The following DAB1 variants were observed in gnomAD, a reference collection of about 807,000 sequenced individuals.
DAB1 encodes the protein DAB adaptor protein 1, also known as disabled homolog 1.
DAB1 carries 15 observed loss-of-function variants against 64.6 expected under a neutral mutation model. The observed-to-expected ratio is 0.23, with a 90% CI of 0.16 to 0.36. The LOEUF (loss-of-function observed/expected upper bound fraction) is 0.36, where lower values mean the gene tolerates loss of function less well. Ranked by LOEUF, DAB1 falls within the 10% of genes least tolerant of loss-of-function variation. The pLI, the probability that DAB1 is intolerant of heterozygous loss-of-function variation, is 1.00. For synonymous variants in DAB1, 235 were observed against 251.9 expected (o/e 0.93, Z 0.64); for missense variants, 596 against 706.7 (o/e 0.84, Z 1.78).
At chr1:58,283,076 T>C (rs1395720916) in intron 4 of DAB1, among the ~76,000 whole-genome samples, 1 of 151,822 alleles carries the variant, frequency 6.6e-6, no homozygotes, top group Non-Finnish European at 1.5e-5. Context: ...AAAAGAACTT[T>C]CCTTCAAACA....
At chr1:58,101,676 G>T (rs821530) in intron 5 of DAB1, among the ~76,000 whole-genome samples, 5 of 152,180 alleles carry the variant, frequency 3.3e-5, no homozygotes, top group African/African-American at 1.2e-4. Flanking sequence ...ATATGACTTA[G>T]GGCCAGTCAC....
At chr1:58,296,059 A>C (rs1355399424) in intron 4 of DAB1, among the ~76,000 whole-genome samples, 1 of 145,746 alleles carries the variant, frequency 6.9e-6, no homozygotes, top group African/African-American at 2.6e-5. Flanking sequence ...TGCCACTGCA[A>C]CTCCAGCCTG....
Position 58,262,021 on chromosome 1 carries a change from G to A in DAB1, n.309+81331C>T, listed in dbSNP as rs190308850. Among the ~76,000 whole-genome samples, 85 of 152,316 alleles carry A rather than the reference G, an allele frequency of 5.6e-4. 1 individual carries two copies. Among genetic ancestry groups the A allele is most frequent in the Non-Finnish European group, 1.1e-3 (76 of 68,028 alleles). On this transcript the variant is annotated intron_variant and non_coding_transcript_variant, in intron 4 of 20. Transcript: ENST00000485760. ...GAAAGACGATTGAGTCTATATTCCCGTAGTGCAGAGGTTAGGTCTGGGCTC... is the reference window on the plus strand; with the variant it reads ...GAAAGACGATTGAGTCTATATTCCCATAGTGCAGAGGTTAGGTCTGGGCTC...
chr1:57,296,086 T>C (rs184310486), intron 1 of DAB1, among the ~76,000 whole-genome samples: 1 of 152,266 alleles, frequency 6.6e-6, no homozygotes, highest in Admixed American at 6.5e-5. Context: ...TGTAGTGTTA[T>C]GAGCAAAGCA....
At chr1:57,384,412 C>T (rs1005132529) in intron 1 of DAB1, among the ~76,000 whole-genome samples, 3 of 152,152 alleles carry the variant, frequency 2.0e-5, no homozygotes, top group Admixed American at 1.3e-4. Flanking sequence ...TCTGAATATA[C>T]ATCCAAAAGA....
At chr1:57,165,436 A>C (rs1661136188) in intron 2 of DAB1, among the ~76,000 whole-genome samples, 1 of 152,192 alleles carries the variant, frequency 6.6e-6, no homozygotes, top group South Asian at 2.1e-4. Flanking sequence ...TAATAGGATA[A>C]AACAATCAAT....
chr1:58,366,294 A>G (rs1041873837), intron 3 of DAB1, among the ~76,000 whole-genome samples: 5 of 152,286 alleles, frequency 3.3e-5, no homozygotes, highest in African/African-American at 1.2e-4. Flanking sequence ...GATCCCATCC[A>G]TCATCATGCC....
intron 4 of DAB1, among the ~76,000 whole-genome samples, chr1:58,171,890 C>A (rs1490949759): frequency 2.6e-5 from 4 of 152,198 alleles, no homozygotes; most frequent in African/African-American, 9.6e-5. Context: ...CCAGCTTTGC[C>A]TACAGCAGGT....
chr1:57,016,307 T>A (rs1055521613), intron 11 of DAB1, among the ~76,000 whole-genome samples: 1 of 152,052 alleles, frequency 6.6e-6, no homozygotes, highest in Non-Finnish European at 1.5e-5. Flanking sequence ...TAGGGCCAGA[T>A]GTGGTGGCTT....
At chr1:57,022,420 GA>G (rs1397305104) in intron 11 of DAB1, among the ~76,000 whole-genome samples, 1 of 152,158 alleles carries the variant, frequency 6.6e-6, no homozygotes, top group African/African-American at 2.4e-5. Flanking sequence ...ATTAGATTGG[GA>G]AACTTCACAA....
intron 7 of DAB1, among the ~76,000 whole-genome samples, chr1:57,641,553 T>C (rs1646130865): frequency 6.6e-6 from 1 of 151,858 alleles, no homozygotes; most frequent in East Asian, 1.9e-4. Context: ...CTGGCTAATT[T>C]TTTTGTACTT....
intron 4 of DAB1, among the ~76,000 whole-genome samples, chr1:58,195,496 A>G (rs563027349): frequency 6.6e-6 from 1 of 152,320 alleles, no homozygotes; most frequent in East Asian, 1.9e-4. Flanking sequence ...GAAAAAAGGA[A>G]AGATGTAAGA....
chr1:57,857,857 A>AG (rs1653826247), intron 1 of DAB1, among the ~76,000 whole-genome samples: 1 of 151,348 alleles, frequency 6.6e-6, no homozygotes, highest in African/African-American at 2.4e-5. Flanking sequence ...TTCATACAAA[A>AG]AAAAAAAAAG....
intron 7 of DAB1, among the ~76,000 whole-genome samples, chr1:57,514,643 G>A (rs1157615806): frequency 6.6e-6 from 1 of 152,170 alleles, no homozygotes; most frequent in African/African-American, 2.4e-5. Context: ...AGCAGACCCA[G>A]TATATTAATA....
intron 2 of DAB1, among the ~76,000 whole-genome samples, chr1:57,275,013 C>A (rs41515244): frequency 0.076 from 11,490 of 151,738 alleles, 1,439 homozygotes; most frequent in African/African-American, 0.26. Context: ...TAAGCAAGGT[C>A]TAGAATAGGT....
intron 9 of DAB1, among the ~76,000 whole-genome samples, chr1:57,039,852 A>T (rs1321251974): frequency 6.6e-6 from 1 of 152,228 alleles, no homozygotes; most frequent in Admixed American, 6.5e-5. Context: ...AAAGGAAAGG[A>T]GATATCAATT....
rs527599122 is a variant in DAB1 at position 57,941,607 on chromosome 1, C to T, written n.388-57445G>A. On this transcript the variant is annotated intron_variant and non_coding_transcript_variant, in intron 5 of 20. Transcript: ENST00000485760. ...ATCCCAGCACTTTGGGAGGCCAAGG[C>T]GGGCGGATCACGAGGTCAGGAGATC... Among the ~76,000 whole-genome samples, 42 of 152,260 alleles carry T rather than the reference C, an allele frequency of 2.8e-4. No individual in the cohort carries two copies. In the South Asian group the frequency reaches 7.7e-3, roughly 28 times the overall value.
chr1:57,521,464 C>A (rs1338516038), intron 7 of DAB1, among the ~76,000 whole-genome samples: 1 of 151,872 alleles, frequency 6.6e-6, no homozygotes, highest in Non-Finnish European at 1.5e-5. Context: ...GTTTGGGAAG[C>A]TAAACCATAT....
chr1:57,732,386 C>T (rs951176039), intron 6 of DAB1, among the ~76,000 whole-genome samples: 4 of 152,148 alleles, frequency 2.6e-5, no homozygotes, highest in Non-Finnish European at 2.9e-5. Flanking sequence ...TAGGGAGAGA[C>T]GGCTAAGTGT....
Sources: gnomAD v4.1 joint callset for allele counts (sites outside exome capture counted in the v4.1 genomes callset) on GRCh38, gnomAD v4.1.1 for gene constraint, MANE v1.5 for transcripts, NCBI Gene and HGNC (gene_info 2026-07-23, HGNC 2026-07-21) for gene names.